Variants in NFIB observed in about 807,000 individuals in gnomAD.
NFIB encodes the protein nuclear factor I B, also known as nuclear factor 1 B-type.
In NFIB, 11 loss-of-function variants were observed where a neutral mutation model predicts 61.5. The ratio of observed to expected loss-of-function variants is 0.18; its 90% CI spans 0.11 to 0.30. The LOEUF is 0.30. Ranked by LOEUF, NFIB falls within the 10% of genes least tolerant of loss-of-function variation. NFIB has a pLI of 1.00. For missense variants in NFIB, 471 were observed against 608.9 expected, an observed-to-expected ratio of 0.77 and a Z score of 2.38; for synonymous variants, 260 against 216.5, an observed-to-expected ratio of 1.20 and a Z score of -1.76.
chr9:14,129,476 T>G (rs2040137030), intron 6 of NFIB, among the ~76,000 whole-genome samples: 1 of 151,398 alleles, frequency 6.6e-6, no homozygotes, highest in South Asian at 2.1e-4. Context: ...GGGGAAAAAG[T>G]AAAGATAGAG....
chr9:14,513,682 T>G, the NFIB span, among the ~76,000 whole-genome samples: 4 of 148,958 alleles, frequency 2.7e-5, no homozygotes, highest in Non-Finnish European at 3.0e-5. Context: ...AGAAACAAAA[T>G]GAAAAGCTAT....
At chr9:14,287,461 T>C (rs1377736050) in intron 2 of NFIB, among the ~76,000 whole-genome samples, 3 of 151,674 alleles carry the variant, frequency 2.0e-5, no homozygotes, top group Non-Finnish European at 2.9e-5. Context: ...TCTGCTCTCG[T>C]TGCTCAGGCC....
At chr9:14,223,418 A>T (rs1208388813) in intron 2 of NFIB, among the ~76,000 whole-genome samples, 3 of 152,210 alleles carry the variant, frequency 2.0e-5, no homozygotes, top group Non-Finnish European at 4.4e-5. Context: ...ATCTATTTGT[A>T]ATAATTTTAG....
the NFIB span, among the ~76,000 whole-genome samples, chr9:14,434,050 G>A: frequency 1.3e-5 from 2 of 152,152 alleles, no homozygotes; most frequent in African/African-American, 4.8e-5. Flanking sequence ...TTCTCTAAGA[G>A]CTATTGCAAT....
At chr9:14,170,277 C>T (rs1309029995) in intron 3 of NFIB, among the ~76,000 whole-genome samples, 1 of 152,164 alleles carries the variant, frequency 6.6e-6, no homozygotes, top group Non-Finnish European at 1.5e-5. Flanking sequence ...GTGGCAAAAG[C>T]AGATCTTGTA....
At chr9:14,343,341 G>C (rs1177915692) in intron 1 of NFIB, among the ~76,000 whole-genome samples, 1 of 152,148 alleles carries the variant, frequency 6.6e-6, no homozygotes, top group African/African-American at 2.4e-5. Flanking sequence ...AAATGGGCTG[G>C]GGCGGGGGAG....
chr9:14,116,485 C>T (rs498010), intron 8 of NFIB, 139 bp from the exon 9 acceptor site: 172,540 of 834,822 alleles, frequency 0.21, 18,876 homozygotes, highest in African/African-American at 0.34. Context: ...GAGTCGGAGT[C>T]GGAGAGGCCA....
intron 2 of NFIB, among the ~76,000 whole-genome samples, chr9:14,303,350 CTG>C (rs2059852086): frequency 6.6e-6 from 1 of 152,186 alleles, no homozygotes. Context: ...TCCCAGGAAG[CTG>C]TGCTGTGCAA....
At chr9:14,468,095 C>G in the NFIB span, among the ~76,000 whole-genome samples, 1 of 152,150 alleles carries the variant, frequency 6.6e-6, no homozygotes, top group South Asian at 2.1e-4. Context: ...GGGAACAAAC[C>G]AACTTACACA....
intron 2 of NFIB, among the ~76,000 whole-genome samples, chr9:14,221,273 A>C (rs936170080): frequency 5.3e-5 from 8 of 152,190 alleles, no homozygotes; most frequent in African/African-American, 1.7e-4. Context: ...TATTGCAAAT[A>C]GTTACTAAGA....
At chr9:14,227,633 T>C (rs902131659) in intron 2 of NFIB, among the ~76,000 whole-genome samples, 1 of 152,210 alleles carries the variant, frequency 6.6e-6, no homozygotes, top group African/African-American at 2.4e-5. Flanking sequence ...TTTTCTCCAA[T>C]GTTGTTGATG....
At chr9:14,274,991 G>T (rs553314385) in intron 2 of NFIB, among the ~76,000 whole-genome samples, 1 of 152,244 alleles carries the variant, frequency 6.6e-6, no homozygotes, top group East Asian at 1.9e-4. Context: ...GTTTTGTTTT[G>T]AAGTTAATTT....
intron 3 of NFIB, among the ~76,000 whole-genome samples, chr9:14,174,590 A>G (rs2045938484): frequency 6.6e-6 from 1 of 151,952 alleles, no homozygotes; most frequent in Non-Finnish European, 1.5e-5. Context: ...ACATGGTGAA[A>G]CCCCATCTCT....
At chr9:14,352,955 G>T (rs910243747) in intron 1 of NFIB, among the ~76,000 whole-genome samples, 1 of 152,314 alleles carries the variant, frequency 6.6e-6, no homozygotes, top group Non-Finnish European at 1.5e-5. Flanking sequence ...AGTAGAAGAG[G>T]ATGCTCATTT....
intron 10 of NFIB, among the ~76,000 whole-genome samples, chr9:14,100,382 T>C (rs951159677): frequency 6.6e-6 from 1 of 152,180 alleles, no homozygotes; most frequent in South Asian, 2.1e-4. Flanking sequence ...CCCACTCATC[T>C]TCTCTTTCCA....
the NFIB span, among the ~76,000 whole-genome samples, chr9:14,521,031 G>C: frequency 2.1e-4 from 32 of 152,212 alleles, no homozygotes; most frequent in South Asian, 6.2e-3. Flanking sequence ...CATTGATTCA[G>C]GACAAGAAAA....
At chr9:14,228,333 T>C in intron 2 of NFIB, among the ~76,000 whole-genome samples, 1 of 151,946 alleles carries the variant, frequency 6.6e-6, no homozygotes, top group Non-Finnish European at 1.5e-5. Context: ...TAGCTGGGAT[T>C]ACAGGAGCAC....
chr9:14,224,707 C>CTTGA (rs2052142823), intron 2 of NFIB, among the ~76,000 whole-genome samples: 1 of 152,168 alleles, frequency 6.6e-6, no homozygotes, highest in African/African-American at 2.4e-5. Context: ...ATACAAGGAA[C>CTTGA]TTGAGCATTA....
the NFIB span, among the ~76,000 whole-genome samples, chr9:14,503,833 C>T: frequency 4.9e-4 from 74 of 152,176 alleles, no homozygotes; most frequent in African/African-American, 1.7e-3. Context: ...TAATTAAGTC[C>T]CATCTATTTA....
Sources: allele counts gnomAD v4.1 joint callset (sites outside exome capture counted in the v4.1 genomes callset), GRCh38; gene constraint gnomAD v4.1.1; transcripts MANE v1.5; gene names NCBI Gene and HGNC (gene_info 2026-07-23, HGNC 2026-07-21).